The following NALF1 variants were observed in gnomAD, a reference collection of about 807,000 sequenced individuals.
NALF1 encodes NALCN channel auxiliary factor 1, also known as family with sequence similarity 155 member A.
In NALF1, 3 loss-of-function variants were observed where a neutral mutation model predicts 48.4. That is an observed-to-expected ratio of 0.06 (90% CI 0.03 to 0.16). The LOEUF (loss-of-function observed/expected upper bound fraction) is 0.16. Among genes scored for constraint, NALF1 ranks in the 10% least tolerant of loss-of-function variants. The pLI is 1.00. For synonymous variants in NALF1, 262 were observed against 245.7 expected (o/e 1.07, Z -0.62); for missense variants, 526 against 571.5 (o/e 0.92, Z 0.81).
intron 1 of NALF1, among the ~76,000 whole-genome samples, chr13:107,715,203 T>G (rs1403253524): frequency 6.6e-6 from 1 of 151,610 alleles, no homozygotes; most frequent in African/African-American, 2.4e-5. Flanking sequence ...TCTTTCTCTC[T>G]CTTTCTTTTT....
At chr13:107,281,130 G>A (rs1594102382) in intron 1 of NALF1, among the ~76,000 whole-genome samples, 2 of 152,016 alleles carry the variant, frequency 1.3e-5, no homozygotes, top group Non-Finnish European at 1.5e-5. Flanking sequence ...TTGAGTGCTC[G>A]ACACATGCAA....
At chr13:107,396,789 TATAC>T (rs779586728) in intron 1 of NALF1, among the ~76,000 whole-genome samples, 138 of 152,216 alleles carry the variant, frequency 9.1e-4, no homozygotes, top group Non-Finnish European at 1.1e-3. Context: ...CTCAGCAGTC[TATAC>T]TGCTCAACTC....
chr13:107,652,664 C>T (rs1880476339), intron 1 of NALF1, among the ~76,000 whole-genome samples: 2 of 152,102 alleles, frequency 1.3e-5, no homozygotes, highest in Admixed American at 6.6e-5. Context: ...TCCTAAGACT[C>T]GTCAGCTCAG....
intron 1 of NALF1, among the ~76,000 whole-genome samples, chr13:107,337,182 C>A (rs1400404110): frequency 6.6e-6 from 1 of 151,470 alleles, no homozygotes; most frequent in East Asian, 1.9e-4. Flanking sequence ...GATCAGAAAG[C>A]CTATAACTGG....
At chr13:107,222,121 A>G (rs1297930474) in intron 1 of NALF1, among the ~76,000 whole-genome samples, 2 of 152,186 alleles carry the variant, frequency 1.3e-5, no homozygotes, top group Non-Finnish European at 2.9e-5. Flanking sequence ...CATGAGTAAC[A>G]CTAATCTTAA....
intron 1 of NALF1, among the ~76,000 whole-genome samples, chr13:107,783,670 C>T (rs1434568786): frequency 6.6e-6 from 1 of 151,684 alleles, no homozygotes; most frequent in Non-Finnish European, 1.5e-5. Context: ...AGGCAGCATG[C>T]TCGTTAAGAG....
chr13:107,560,055 A>G (rs1318921885), intron 1 of NALF1, among the ~76,000 whole-genome samples: 2 of 152,140 alleles, frequency 1.3e-5, no homozygotes, highest in Admixed American at 1.3e-4. Context: ...GAGAAGGGCC[A>G]TTTAACCAGG....
rs151157356 is a variant in NALF1, at chr13:107,744,313, G to C, written c.915+121369C>G. ...AAACAGATAATGCATTTAAAGTCCA[G>C]CAGATTGCCTCGAGAATTTTAAGTG... On this transcript the variant is annotated intron_variant, in intron 1 of 2. Transcript: ENST00000375915. Among the ~76,000 whole-genome samples, 732 of 152,292 alleles carry C rather than the reference G, an allele frequency of 4.8e-3. 4 individuals are homozygous for C. The highest frequency in any genetic ancestry group is 0.017 in the African/African-American group (693 of 41,570).
At chr13:107,194,035 TC>T in intron 2 of NALF1, among the ~76,000 whole-genome samples, 1 of 148,120 alleles carries the variant, frequency 6.8e-6, no homozygotes, top group South Asian at 2.1e-4. Context: ...TATCTATCTA[TC>T]TATCTATCTA....
At chr13:107,486,765 A>C (rs1234656446) in intron 1 of NALF1, among the ~76,000 whole-genome samples, 4 of 152,152 alleles carry the variant, frequency 2.6e-5, no homozygotes, top group African/African-American at 9.7e-5. Flanking sequence ...GCTTCTCCTC[A>C]TTCCCTTCTT....
At chr13:107,288,724 G>T (rs1478651200) in intron 1 of NALF1, among the ~76,000 whole-genome samples, 2 of 150,802 alleles carry the variant, frequency 1.3e-5, no homozygotes, top group Non-Finnish European at 2.9e-5. Context: ...GTAGAGTCGG[G>T]GTTTCGCCAT....
At chr13:107,643,848 A>C (rs1880230986) in intron 1 of NALF1, among the ~76,000 whole-genome samples, 3 of 152,060 alleles carry the variant, frequency 2.0e-5, no homozygotes, top group Non-Finnish European at 2.9e-5. Context: ...GTGCAGCCTC[A>C]AGGGAGATCC....
chr13:107,758,333 A>T (rs540153178), intron 1 of NALF1, among the ~76,000 whole-genome samples: 13 of 152,346 alleles, frequency 8.5e-5, no homozygotes, highest in Non-Finnish European at 1.5e-4. Flanking sequence ...ATAAATCTCA[A>T]ATCAGCAAAG....
intron 1 of NALF1, among the ~76,000 whole-genome samples, chr13:107,607,093 T>G (rs1203873023): frequency 6.6e-6 from 1 of 152,202 alleles, no homozygotes; most frequent in Non-Finnish European, 1.5e-5. Context: ...CAATTACCTT[T>G]TGCACTCAAT....
chr13:107,448,835 G>T (rs1330206539), intron 1 of NALF1, among the ~76,000 whole-genome samples: 1 of 152,154 alleles, frequency 6.6e-6, no homozygotes, highest in African/African-American at 2.4e-5. Context: ...TATGGTTTAT[G>T]TAGGTACCAC....
Position 107,169,506 on chromosome 13 carries a change from A to G in NALF1, c.*991T>C, listed in dbSNP as rs1470434129. On this transcript the variant is annotated 3_prime_UTR_variant, in exon 3 of 3. Transcript: ENST00000375915. The stretch of plus-strand genomic sequence containing the variant: ...AAAATCACAATGAAAGCCCACCTTC[A>G]TTGTCAAAAGAAAAACTTCCTCACT... The G allele has an allele frequency of 1.3e-5, 2 of 152,174 alleles. No individual in the cohort carries two copies. Among genetic ancestry groups the G allele is most frequent in the African/African-American group, 2.4e-5 (1 of 41,444 alleles). 9.4% of individuals were successfully genotyped at this position (152,174 alleles called of 1,614,324 possible).
At chr13:107,189,851 C>T (rs901459726) in intron 2 of NALF1, among the ~76,000 whole-genome samples, 3 of 152,162 alleles carry the variant, frequency 2.0e-5, no homozygotes, top group Admixed American at 6.5e-5. Flanking sequence ...AAGTGTTCCA[C>T]ATGAATTTAC....
intron 1 of NALF1, among the ~76,000 whole-genome samples, chr13:107,389,200 C>T (rs1046857575): frequency 2.6e-5 from 4 of 152,154 alleles, no homozygotes; most frequent in African/African-American, 4.8e-5. Context: ...TTCGACACTC[C>T]GGGTAGCTGT....
chr13:107,392,246 C>G (rs1034858030), intron 1 of NALF1, among the ~76,000 whole-genome samples: 1 of 152,030 alleles, frequency 6.6e-6, no homozygotes, highest in Admixed American at 6.6e-5. Context: ...TTCAGAGATT[C>G]TTTCCCTTCC....
Sources: allele counts gnomAD v4.1 joint callset (sites outside exome capture counted in the v4.1 genomes callset), GRCh38; gene constraint gnomAD v4.1.1; transcripts MANE v1.5; gene names NCBI Gene and HGNC (gene_info 2026-07-23, HGNC 2026-07-21).